The following ITIH4 variants were observed in gnomAD, a reference collection of about 807,000 sequenced individuals.
The protein encoded by ITIH4 is inter-alpha-trypsin inhibitor heavy chain H4.
Under a neutral mutation model 111.8 loss-of-function variants are expected in ITIH4, and 79 were observed. The ratio of observed to expected loss-of-function variants is 0.71; its 90% CI spans 0.59 to 0.85. The LOEUF is 0.85. Ranked by LOEUF, ITIH4 falls within the 40% of genes least tolerant of loss-of-function variation. The probability of loss-of-function intolerance (pLI) is 0.00; values close to 1 mark genes in which losing one functional copy is unlikely to be tolerated. For missense variants in ITIH4, 1,065 were observed against 1,195.8 expected (o/e 0.89, Z 1.61); for synonymous variants, 472 against 468.3 (o/e 1.01, Z -0.10).
rs146342384 is a variant in ITIH4 at position 52,823,861 on chromosome 3, G to T, written c.1315C>A (p.Arg439Ser). 102 of 1,613,614 alleles carry T rather than the reference G, an allele frequency of 6.3e-5. No individual in the cohort carries two copies. The highest frequency in any genetic ancestry group is 8.6e-5 in the Non-Finnish European group (101 of 1,180,000). The change falls in exon 10 of 24, where the codon CGC (arginine) becomes AGC (serine). Residue 439 changes from arginine (R) to serine (S), a missense_variant. Arg to Ser is a moderately radical substitution (Grantham distance 110). Transcript: ENST00000266041. ...LALDNGGLARRIHEDSDSALQ... is the reference protein window; with the variant it reads ...LALDNGGLARSIHEDSDSALQ... ...GCAGAGTCTGAGTCCTCATGGATGCGCCGGGCCAGGCCGCCATTGTCCAGT... is the reference window on the plus strand; with the variant it reads ...GCAGAGTCTGAGTCCTCATGGATGCTCCGGGCCAGGCCGCCATTGTCCAGT...
chr3:52,815,971 C>A (rs546584660), intron 21 of ITIH4, among the ~76,000 whole-genome samples: 1 of 152,224 alleles, frequency 6.6e-6, no homozygotes, highest in Non-Finnish European at 1.5e-5. Context: ...CAGGCGTGAG[C>A]CACCACACCG....
chr3:52,814,140 G>A (rs1700235440), intron 22 of ITIH4, 69 bp from the exon 23 acceptor site: 1 of 1,600,658 alleles, frequency 6.2e-7, no homozygotes, highest in Non-Finnish European at 8.5e-7. Flanking sequence ...CGCAGGGGAG[G>A]GGCGCTGCCT....
rs1410206375 is a variant in ITIH4, at chr3:52,825,941, C to T, written c.704G>A (p.Gly235Asp). ...SPEQQETVLD[G>D]NLIIRYDVDR... ...CACATCATAGCGGATAATGAGGTTG[C>T]CGTCCAGGACTGTTTCTTGCTGCTC... The change falls in exon 6 of 24, where the codon GGC becomes GAC. Residue 235 changes from glycine (G) to aspartate (D), a missense_variant. Gly to Asp is a moderately conservative substitution (Grantham distance 94, BLOSUM62 -1). Transcript: ENST00000266041. 1.2e-6 allele frequency: 2 copies of T among 1,613,988 alleles called. No homozygotes were observed. Among genetic ancestry groups the T allele is most frequent in the East Asian group, 4.5e-5 (2 of 44,888 alleles).
intron 1 of ITIH4, chr3:52,829,915 G>T (rs1169936299): frequency 1.1e-5 from 2 of 186,500 alleles, no homozygotes; most frequent in African/African-American, 2.4e-5. Context: ...CCTAGCAGGT[G>T]CCATTTGCCT....
Position 52,820,336 on chromosome 3 carries a change from G to C in ITIH4, c.1835-19C>G. On this transcript the variant is annotated intron_variant, in intron 13 of 23. Transcript: ENST00000266041. ...CTACTTTCTGGATAAAACAAAGAGA[G>C]AGAGAGAGACAGACAGACAGAGACA... 6.2e-7 allele frequency: 1 copy of C among 1,613,128 alleles called. No individual in the cohort carries two copies.
intron 3 of ITIH4, 22 bp from the exon 4 acceptor site, chr3:52,826,975 C>A (rs1269434153): frequency 1.9e-6 from 3 of 1,613,852 alleles, no homozygotes; most frequent in Non-Finnish European, 2.5e-6. Context: ...GGGCATCAGG[C>A]CTGCTCCTCC....
rs201014368 is a variant in ITIH4 at position 52,818,185 on chromosome 3, A to G, written c.2180-17T>C. The G allele has an allele frequency of 1.7e-4, 273 of 1,602,942 alleles. 1 individual carries two copies. The African/African-American group carries it at 3.4e-3, about 20-fold the overall frequency. On this transcript the variant is annotated splice_polypyrimidine_tract_variant and intron_variant, in intron 19 of 23. Coordinates refer to ENST00000266041, the MANE Select transcript of ITIH4 (RefSeq NM_002218.5). ...GTATGGGGGCTGGGACAGCCGGGGC[A>G]CGGCTCCTGGAGCAGGAAGGGCAGG...
At chr3:52,830,045 G>T (rs1039569476) in intron 1 of ITIH4, 8 of 301,522 alleles carry the variant, frequency 2.7e-5, no homozygotes, top group Non-Finnish European at 5.1e-5. Flanking sequence ...ATGCAGTTTG[G>T]CACAGAGGTG....
intron 21 of ITIH4, among the ~76,000 whole-genome samples, chr3:52,815,743 A>G (rs944990256): frequency 5.2e-4 from 78 of 150,542 alleles, no homozygotes; most frequent in Admixed American, 1.3e-4. Flanking sequence ...CCCAGGCTGG[A>G]GCGCAGTGGT....
chr3:52,813,840 C>CA lies in ITIH4; in HGVS notation c.2723+134dup. 4.2e-6 allele frequency: 3 copies of CA among 721,208 alleles called. No individual in the cohort carries two copies. In the East Asian group the frequency reaches 8.1e-5, roughly 19 times the overall value. 44.7% of individuals were successfully genotyped at this position (721,208 alleles called of 1,614,324 possible). A position where few individuals can be genotyped will look rare whatever the true frequency, so the allele number is the denominator to read the frequency against. On this transcript the variant is annotated intron_variant, in intron 23 of 23. Transcript: ENST00000266041. ...CTGAAAGCTGGCTTAGACACTTCTA[C>CA]AGCATCAACCTTCCACCGGACTGTG...
At position 52,813,940 on chromosome 3, in the gene ITIH4, C is replaced by T. The variant is rs574872750; in HGVS notation, c.2723+35G>A. Reference sequence around the variant, plus strand: ...TGGCCTGCCAGTCCCCACCCCACCCCAGCTGGGCTCAGCGGTCTGCTTGTG... The same window carrying T: ...TGGCCTGCCAGTCCCCACCCCACCCTAGCTGGGCTCAGCGGTCTGCTTGTG... On this transcript the variant is annotated intron_variant, in intron 23 of 23. Transcript: ENST00000266041. 73 of 1,567,214 alleles carry T rather than the reference C, an allele frequency of 4.7e-5. 1 individual carries two copies. In the South Asian group the frequency reaches 7.9e-4, roughly 17 times the overall value.
intron 18 of ITIH4, 83 bp from the exon 19 acceptor site, chr3:52,818,366 C>T: frequency 1.3e-6 from 2 of 1,572,940 alleles, no homozygotes; most frequent in Non-Finnish European, 1.7e-6. Context: ...CTAGGTGTGG[C>T]TGGGTTCCCT....
intron 2 of ITIH4, among the ~76,000 whole-genome samples, chr3:52,827,869 G>T (rs1322543689): frequency 1.3e-5 from 2 of 152,238 alleles, no homozygotes; most frequent in Non-Finnish European, 2.9e-5. Context: ...ATTTCTCAGG[G>T]AGGAAAACGA....
In ITIH4 at chr3:52,814,086, G is replaced by T. The variant is rs768657116; in HGVS notation, c.2627-15C>A. On this transcript the variant is annotated splice_polypyrimidine_tract_variant and intron_variant, in intron 22 of 23. Transcript: ENST00000266041. ...GTAAAACTGGCCTGAGATACAAAGG[G>T]TGGATCAGTAAGGGTCAGAGACAGA... is the stretch of plus-strand genomic sequence containing the variant. The T allele has an allele frequency of 1.9e-6, 3 of 1,612,806 alleles. No homozygotes were observed. In the African/African-American group the frequency reaches 4.0e-5, roughly 22 times the overall value.
intron 11 of ITIH4, among the ~76,000 whole-genome samples, chr3:52,821,351 T>C (rs1456523949): frequency 6.6e-6 from 1 of 152,014 alleles, no homozygotes; most frequent in Non-Finnish European, 1.5e-5. Context: ...GGTAGCAAAG[T>C]AGCCCAGATA....
rs1700449760 is a variant in ITIH4, at chr3:52,824,464, C to T, written c.978G>A (p.Leu326=). ...STEATQWRPS[L]VPASAENVNK... is the part of the protein sequence containing the mutation. The stretch of plus-strand genomic sequence containing the variant: ...TCACGTTCTCGGCTGAGGCTGGCAC[C>T]AGTGATGGCCTCCACTGAGTTGCTT... The change falls in exon 8 of 24, where the codon CTG becomes CTA. Residue 326 remains leucine, a synonymous_variant. Coordinates refer to ENST00000266041, the MANE Select transcript of ITIH4 (RefSeq NM_002218.5). This position sits in a 1 kb window ranked among gnomAD's most constrained non-coding sequence, Gnocchi z 4.3. The T allele has an allele frequency of 1.2e-6, 2 of 1,614,088 alleles. No homozygotes were observed. The highest frequency in any genetic ancestry group is 1.7e-6 in the Non-Finnish European group (2 of 1,180,044).
chr3:52,820,474 C>A, intron 13 of ITIH4, 157 bp from the exon 14 acceptor site: 1 of 1,163,114 alleles, frequency 8.6e-7, no homozygotes, highest in Non-Finnish European at 1.2e-6. Context: ...ACAGGAGACC[C>A]GGCTTCACTT....
Position 52,813,399 on chromosome 3 carries a change from G to T in ITIH4, c.*22C>A. ...AGGGGGAAGCCAAGTGTACAGGGTG[G>T]GCACAGCTCCTTCCATCAGAACTAC... On this transcript the variant is annotated 3_prime_UTR_variant, in exon 24 of 24. Coordinates refer to ENST00000266041, the MANE Select transcript of ITIH4 (RefSeq NM_002218.5). The T allele has an allele frequency of 6.2e-7, 1 of 1,612,288 alleles. No homozygotes were observed. Among genetic ancestry groups the T allele is most frequent in the Non-Finnish European group, 8.5e-7 (1 of 1,178,370 alleles).
At position 52,819,374 on chromosome 3, in the gene ITIH4, G is replaced by C; in HGVS notation, c.2077+19C>G. The C allele has an allele frequency of 1.2e-6, 2 of 1,613,762 alleles. No homozygotes were observed. Among genetic ancestry groups the C allele is most frequent in the South Asian group, 2.2e-5 (2 of 91,072 alleles). On this transcript the variant is annotated intron_variant, in intron 17 of 23. Transcript: ENST00000266041. The stretch of plus-strand genomic sequence containing the variant: ...ACCGTGGGAAACCGAGGCCCTCGCA[G>C]GGCCGGAAGGCAGCTTACAGATGGC...
Sources: allele counts gnomAD v4.1 joint callset (sites outside exome capture counted in the v4.1 genomes callset), GRCh38; gene constraint gnomAD v4.1.1; non-coding constraint Gnocchi (gnomAD v3.1); transcripts MANE v1.5; gene names NCBI Gene and HGNC (gene_info 2026-07-23, HGNC 2026-07-21).